ANKRA2: variants seen among roughly 807,000 people sequenced by gnomAD.
ANKRA2 encodes the protein ankyrin repeat family A member 2.
Under a neutral mutation model 37.8 loss-of-function variants are expected in ANKRA2, and 33 were observed. The ratio of observed to expected loss-of-function variants is 0.87; its 90% CI spans 0.66 to 1.17. The LOEUF (loss-of-function observed/expected upper bound fraction) is 1.17, where lower values mean the gene tolerates loss of function less well. ANKRA2 is among the 50% of genes most tolerant of loss of function. ANKRA2 has a pLI of 0.00. For missense variants in ANKRA2, 326 were observed against 373.7 expected (o/e 0.87, Z 1.05); for synonymous variants, 126 against 132.3 (o/e 0.95, Z 0.33).
chr5:73,554,224 A>T (rs777393206), intron 7 of ANKRA2, 98 bp downstream of exon 7: 14 of 1,049,722 alleles, frequency 1.3e-5, no homozygotes, highest in Non-Finnish European at 2.0e-5. Flanking sequence ...TGTATTTAAC[A>T]ATAGTTAATG....
Position 73,561,275 on chromosome 5 carries a change from G to GT in ANKRA2, c.302_303insA (p.His102ProfsTer39), listed in dbSNP as rs1561270975. The GT allele has an allele frequency of 3.7e-6, 6 of 1,612,558 alleles. No individual in the cohort carries two copies. The African/African-American group carries it at 8.0e-5, about 22-fold the overall frequency. Reference sequence around the variant, plus strand: ...GAATTCCCGGAGAAGGAGATGTATGGATATTGCATTCAGCTAAGTGAAAAA... The same window carrying GT: ...GAATTCCCGGAGAAGGAGATGTATGGTATATTGCATTCAGCTAAGTGAAAAA... On this transcript the variant is annotated frameshift_variant, in exon 3 of 9. Transcript: ENST00000296785. LOFTEE classifies it high-confidence loss of function.
In ANKRA2 at chr5:73,565,397, C is replaced by A. The variant is rs1052729460; in HGVS notation, c.-370G>T. On this transcript the variant is annotated 5_prime_UTR_variant, in exon 1 of 9. Coordinates refer to ENST00000296785, the MANE Select transcript of ANKRA2 (RefSeq NM_023039.5). ...CATCTGAGGCCAGCTTCAGTACAGG[C>A]CTCCAAGCCCGGGCTTGTTTTGGCC... 1 of 218,832 alleles carries A rather than the reference C, an allele frequency of 4.6e-6. No individual in the cohort carries two copies. The allele number at this position is 218,832 out of a possible 1,614,324, so 13.6% of individuals were successfully genotyped here.
intron 4 of ANKRA2, among the ~76,000 whole-genome samples, chr5:73,556,445 T>C (rs970814113): frequency 6.6e-6 from 1 of 152,190 alleles, no homozygotes; most frequent in African/African-American, 2.4e-5. Flanking sequence ...AAAATAAAAA[T>C]ACAGCTCAAT....
intron 3 of ANKRA2, among the ~76,000 whole-genome samples, chr5:73,559,183 G>C (rs950029697): frequency 2.0e-5 from 3 of 152,184 alleles, no homozygotes; most frequent in Non-Finnish European, 4.4e-5. Flanking sequence ...ATTCTTCCTA[G>C]CTCAGTTGGT....
At chr5:73,557,819 G>A (rs775492377) in intron 3 of ANKRA2, among the ~76,000 whole-genome samples, 179 bp from the exon 4 acceptor site, 23 of 152,070 alleles carry the variant, frequency 1.5e-4, no homozygotes, top group Non-Finnish European at 2.6e-4. Context: ...GCTCATGCCC[G>A]TAATCCCAGC....
At chr5:73,564,509 C>CT (rs1747659155) in intron 1 of ANKRA2, among the ~76,000 whole-genome samples, 2 of 152,216 alleles carry the variant, frequency 1.3e-5, no homozygotes, top group African/African-American at 2.4e-5. Flanking sequence ...CTGATCTTAA[C>CT]TTTAACAATT....
At chr5:73,556,858 T>A (rs1554044699) in intron 4 of ANKRA2, among the ~76,000 whole-genome samples, 1 of 151,818 alleles carries the variant, frequency 6.6e-6, no homozygotes, top group Non-Finnish European at 1.5e-5. Flanking sequence ...TTTTCACACG[T>A]CAGATTAGCA....
At chr5:73,554,591 CTTT>C (rs1291565107) in intron 6 of ANKRA2, among the ~76,000 whole-genome samples, 4 of 152,012 alleles carry the variant, frequency 2.6e-5, no homozygotes, top group Non-Finnish European at 4.4e-5. Flanking sequence ...AATTATTCTT[CTTT>C]ATTTATTCTT....
intron 1 of ANKRA2, among the ~76,000 whole-genome samples, chr5:73,563,563 T>C (rs1299559539): frequency 1.3e-5 from 2 of 152,232 alleles, no homozygotes; most frequent in Non-Finnish European, 2.9e-5. Flanking sequence ...AGCTTTGGTT[T>C]TGATGAACTG....
At chr5:73,562,265 C>A (rs1427749213) in intron 2 of ANKRA2, among the ~76,000 whole-genome samples, 1 of 152,110 alleles carries the variant, frequency 6.6e-6, no homozygotes, top group Non-Finnish European at 1.5e-5. Flanking sequence ...GATCTGTCCA[C>A]CTCGGCCTCC....
intron 5 of ANKRA2, 69 bp downstream of exon 5, chr5:73,555,419 T>C: frequency 1.3e-6 from 2 of 1,587,142 alleles, no homozygotes; most frequent in Non-Finnish European, 1.7e-6. Flanking sequence ...TGGCTGGATA[T>C]ATAAAAACTC....
At chr5:73,553,255 AAT>A in intron 8 of ANKRA2, 149 bp downstream of exon 8, 1 of 598,328 alleles carries the variant, frequency 1.7e-6, no homozygotes. Flanking sequence ...ACTTTATAGG[AAT>A]TTGTGGACTT....
At chr5:73,555,829 A>G (rs982587033) in intron 4 of ANKRA2, among the ~76,000 whole-genome samples, 3 of 152,240 alleles carry the variant, frequency 2.0e-5, no homozygotes, top group Admixed American at 6.5e-5. Context: ...ACTACCAGAC[A>G]TGACATAATG....
intron 3 of ANKRA2, among the ~76,000 whole-genome samples, chr5:73,560,436 T>C (rs1204584230): frequency 2.0e-5 from 3 of 152,120 alleles, no homozygotes; most frequent in East Asian, 1.9e-4. Flanking sequence ...TTTCAGCTCA[T>C]TGCAACCTGC....
chr5:73,555,435 A>ATAGT, intron 5 of ANKRA2, 53 bp downstream of exon 5: 1 of 1,605,004 alleles, frequency 6.2e-7, no homozygotes, highest in Non-Finnish European at 8.5e-7. Flanking sequence ...AACTCTACTA[A>ATAGT]AGACTTAACT....
At position 73,565,158 on chromosome 5, in the gene ANKRA2, G is replaced by A. The variant is rs2112030369; in HGVS notation, c.-131C>T. On this transcript the variant is annotated 5_prime_UTR_variant, in exon 1 of 9. Coordinates refer to ENST00000296785, the MANE Select transcript of ANKRA2 (RefSeq NM_023039.5). Reference sequence around the variant, plus strand: ...GGCGACAGGTGTCCCAGCGTCCCGAGACAGGAGCCCGCTGTCTCCCGCTGG... The same window carrying A: ...GGCGACAGGTGTCCCAGCGTCCCGAAACAGGAGCCCGCTGTCTCCCGCTGG... 1 of 152,358 alleles carries A rather than the reference G, an allele frequency of 6.6e-6. No individual in the cohort carries two copies. Among genetic ancestry groups the A allele is most frequent in the Non-Finnish European group, 1.5e-5 (1 of 68,044 alleles). 9.4% of individuals were successfully genotyped at this position (152,358 alleles called of 1,614,324 possible). A position where few individuals can be genotyped will look rare whatever the true frequency, so the allele number is the denominator to read the frequency against.
In ANKRA2 at chr5:73,565,532, A is replaced by C; in HGVS notation, c.-505T>G. ...TTTTTGTCCCTCTCTCCTTTTTTTTAATATTTTTGTTTTTGCCGCCTTTAC... is the reference window on the plus strand; with the variant it reads ...TTTTTGTCCCTCTCTCCTTTTTTTTCATATTTTTGTTTTTGCCGCCTTTAC... On this transcript the variant is annotated 5_prime_UTR_variant, in exon 1 of 9. In the 5' UTR this introduces an upstream ATG that the reference lacks. Coordinates refer to ENST00000296785, the MANE Select transcript of ANKRA2 (RefSeq NM_023039.5). 4.5e-6 allele frequency: 1 copy of C among 224,176 alleles called. No individual in the cohort carries two copies. Among genetic ancestry groups the C allele is most frequent in the South Asian group, 4.6e-5 (1 of 21,550 alleles). 13.9% of individuals were successfully genotyped at this position (224,176 alleles called of 1,614,324 possible). A position where few individuals can be genotyped will look rare whatever the true frequency, so the allele number is the denominator to read the frequency against.
rs1276789108 is a variant in ANKRA2 at position 73,552,383 on chromosome 5, C to G, written c.*414G>C. 1 of 153,818 alleles carries G rather than the reference C, an allele frequency of 6.5e-6. No homozygotes were observed. The highest frequency in any genetic ancestry group is 2.4e-5 in the African/African-American group (1 of 41,438). The allele number at this position is 153,818 out of a possible 1,614,324, so 9.5% of individuals were successfully genotyped here. On this transcript the variant is annotated 3_prime_UTR_variant, in exon 9 of 9. Coordinates refer to ENST00000296785, the MANE Select transcript of ANKRA2 (RefSeq NM_023039.5). Reference sequence around the variant, plus strand: ...TTTATAATATCATTTTGTAAACAATCACACTGTGCACTTTTTTATTCAACA... The same window carrying G: ...TTTATAATATCATTTTGTAAACAATGACACTGTGCACTTTTTTATTCAACA...
rs1747278179 is a variant in ANKRA2 at position 73,552,403 on chromosome 5, T to C, written c.*394A>G. ...ACAATCACACTGTGCACTTTTTTAT[T>C]CAACAATAAGAACAATTTTTTTCTA... is the stretch of plus-strand genomic sequence containing the variant. On this transcript the variant is annotated 3_prime_UTR_variant, in exon 9 of 9. Coordinates refer to ENST00000296785, the MANE Select transcript of ANKRA2 (RefSeq NM_023039.5). The C allele has an allele frequency of 6.4e-6, 1 of 155,382 alleles. No homozygotes were observed. The highest frequency in any genetic ancestry group is 2.0e-4 in the South Asian group (1 of 4,972). The allele number at this position is 155,382 out of a possible 1,614,324, so 9.6% of individuals were successfully genotyped here.
Sources: allele counts gnomAD v4.1 joint callset (sites outside exome capture counted in the v4.1 genomes callset), GRCh38; gene constraint gnomAD v4.1.1; transcripts MANE v1.5; gene names NCBI Gene and HGNC (gene_info 2026-07-23, HGNC 2026-07-21).